The following RREB1 variants were observed in gnomAD, a reference collection of about 807,000 sequenced individuals.
RREB1 encodes ras responsive element binding protein 1.
In RREB1, 27 loss-of-function variants were observed where a neutral mutation model predicts 117.8. The ratio of observed to expected loss-of-function variants is 0.23; its 90% CI spans 0.17 to 0.32. The LOEUF is 0.32. Among genes scored for constraint, RREB1 ranks in the 10% least tolerant of loss-of-function variants. The pLI is 1.00. For synonymous variants in RREB1, 1,298 were observed against 1,026.7 expected (o/e 1.26, Z -5.05); for missense variants, 2,577 against 2,378.2 (o/e 1.08, Z -1.74).
intron 6 of RREB1, among the ~76,000 whole-genome samples, chr6:7,197,470 A>AG (rs1199146990): frequency 5.3e-5 from 8 of 152,178 alleles, no homozygotes; most frequent in African/African-American, 1.9e-4. Context: ...GGATCACTTG[A>AG]GGACAGGAGT....
chr6:7,201,968 GT>G (rs1438909809), intron 6 of RREB1, among the ~76,000 whole-genome samples: 3 of 151,320 alleles, frequency 2.0e-5, no homozygotes, highest in Admixed American at 6.6e-5. Flanking sequence ...TTAGATAAAA[GT>G]GGCTATAGAC....
At chr6:7,119,304 C>T (rs906224902) in intron 1 of RREB1, among the ~76,000 whole-genome samples, 2 of 151,960 alleles carry the variant, frequency 1.3e-5, no homozygotes, top group African/African-American at 2.4e-5. Flanking sequence ...GAGCTGAGAT[C>T]GTGCTACTGC....
intron 2 of RREB1, among the ~76,000 whole-genome samples, chr6:7,179,631 T>G (rs189302832): frequency 9.8e-5 from 15 of 152,324 alleles, no homozygotes; most frequent in African/African-American, 3.6e-4. Flanking sequence ...TGTGATTGAT[T>G]ACAAAAATTC....
chr6:7,153,572 G>A (rs553859944), intron 1 of RREB1, among the ~76,000 whole-genome samples: 2 of 152,258 alleles, frequency 1.3e-5, no homozygotes, highest in East Asian at 1.9e-4. Context: ...GAAACAGACC[G>A]AAAATAGGAG....
At chr6:7,115,693 C>T (rs1478373579) in intron 1 of RREB1, among the ~76,000 whole-genome samples, 1 of 152,100 alleles carries the variant, frequency 6.6e-6, no homozygotes, top group East Asian at 1.9e-4. Flanking sequence ...TCTGTCTTCT[C>T]GTCTAACCTA....
chr6:7,187,336 T>C (rs767794437), intron 4 of RREB1, 98 bp from the exon 5 acceptor site: 1 of 609,618 alleles, frequency 1.6e-6, no homozygotes, highest in Non-Finnish European at 2.8e-6. Context: ...TGCTCTCAGC[T>C]ACATAGACAC....
intron 8 of RREB1, chr6:7,215,721 T>C (rs1766860988): frequency 6.6e-6 from 1 of 152,254 alleles, no homozygotes; most frequent in Admixed American, 6.5e-5. Context: ...CATCAAAATA[T>C]AATGTCAACA....
At chr6:7,108,628 C>T (rs1294919763) in intron 1 of RREB1, 4 of 152,458 alleles carry the variant, frequency 2.6e-5, no homozygotes, top group East Asian at 1.9e-4. Context: ...AACTTTTCTC[C>T]TACATACTTT....
At chr6:7,235,239 C>T (rs1768245689) in intron 10 of RREB1, among the ~76,000 whole-genome samples, 1 of 152,158 alleles carries the variant, frequency 6.6e-6, no homozygotes, top group Non-Finnish European at 1.5e-5. Context: ...ATTCACGGAG[C>T]ATTAGAGCTG....
At chr6:7,113,812 T>C (rs1011066099) in intron 1 of RREB1, among the ~76,000 whole-genome samples, 6 of 152,274 alleles carry the variant, frequency 3.9e-5, no homozygotes, top group African/African-American at 1.4e-4. Context: ...AAAGCACTTC[T>C]GCTCTTGGTA....
intron 10 of RREB1, among the ~76,000 whole-genome samples, chr6:7,239,015 G>A (rs930233036): frequency 7.2e-5 from 11 of 152,218 alleles, no homozygotes; most frequent in African/African-American, 2.4e-4. Flanking sequence ...TGCCGGTTAA[G>A]GCTAGTCCCT....
intron 6 of RREB1, among the ~76,000 whole-genome samples, chr6:7,190,910 G>A (rs571651681): frequency 4.6e-5 from 7 of 152,242 alleles, no homozygotes; most frequent in South Asian, 2.1e-4. Context: ...ACTCCCCATG[G>A]GCCAGCTCCA....
intron 1 of RREB1, among the ~76,000 whole-genome samples, chr6:7,146,394 G>A (rs556859315): frequency 2.6e-5 from 4 of 152,108 alleles, no homozygotes; most frequent in Admixed American, 6.5e-5. Flanking sequence ...GGGAGGAGGC[G>A]AGGTGGGGAC....
intron 1 of RREB1, among the ~76,000 whole-genome samples, chr6:7,118,185 A>G: frequency 6.6e-6 from 1 of 152,074 alleles, no homozygotes; most frequent in East Asian, 1.9e-4. Flanking sequence ...CAGGGGTGGA[A>G]TCTCAGCTCA....
chr6:7,145,033 T>C (rs1372263799), intron 1 of RREB1, among the ~76,000 whole-genome samples: 2 of 152,226 alleles, frequency 1.3e-5, no homozygotes, highest in East Asian at 3.8e-4. Context: ...TTCTTCTTCG[T>C]CTCACCGTGT....
At chr6:7,136,566 A>G (rs891113349) in intron 1 of RREB1, among the ~76,000 whole-genome samples, 2 of 152,136 alleles carry the variant, frequency 1.3e-5, no homozygotes. Context: ...ATGAGCCACT[A>G]CCCTCAGCCT....
intron 1 of RREB1, among the ~76,000 whole-genome samples, chr6:7,119,710 G>A (rs887042151): frequency 5.3e-5 from 8 of 152,194 alleles, no homozygotes; most frequent in African/African-American, 1.7e-4. Flanking sequence ...GGGAAGCTAC[G>A]AAAAGTGTTA....
intron 10 of RREB1, among the ~76,000 whole-genome samples, chr6:7,236,770 A>G (rs911216340): frequency 3.0e-4 from 45 of 150,414 alleles, no homozygotes; most frequent in African/African-American, 8.6e-4. Context: ...CAAGGCCCCA[A>G]TCTCCTCATC....
Position 7,249,365 on chromosome 6 carries a change from G to C in RREB1, c.*397G>C, listed in dbSNP as rs923166191. ...GTTCTTGTGAATCTGTGATAGCACC[G>C]TTTGTTCTGTGAGCTGGAAACAGAA... On this transcript the variant is annotated 3_prime_UTR_variant, in exon 13 of 13. Transcript: ENST00000379938. The C allele has an allele frequency of 5.5e-6, 1 of 181,044 alleles. No homozygotes were observed. Among genetic ancestry groups the C allele is most frequent in the Admixed American group, 6.2e-5 (1 of 16,178 alleles). 11.2% of individuals were successfully genotyped at this position (181,044 alleles called of 1,614,324 possible). A position where few individuals can be genotyped will look rare whatever the true frequency, so the allele number is the denominator to read the frequency against.
Sources: allele counts gnomAD v4.1 joint callset (sites outside exome capture counted in the v4.1 genomes callset), GRCh38; gene constraint gnomAD v4.1.1; transcripts MANE v1.5; gene names NCBI Gene and HGNC (gene_info 2026-07-23, HGNC 2026-07-21).